The following MYO5B variants were observed in gnomAD, a reference collection of about 807,000 sequenced individuals.
MYO5B encodes myosin VB.
A neutral mutation model predicts 229.3 loss-of-function variants in MYO5B; 143 were observed. That is an observed-to-expected ratio of 0.62 (90% CI 0.54 to 0.72). The LOEUF is 0.72. Among genes scored for constraint, MYO5B ranks in the 30% least tolerant of loss-of-function variants. The pLI is 0.00. For synonymous variants in MYO5B, 918 were observed against 885.2 expected, an observed-to-expected ratio of 1.04 and a Z score of -0.66; for missense variants, 2,321 against 2,331.0, an observed-to-expected ratio of 1.00 and a Z score of 0.09.
chr18:49,928,882 T>C (rs2025158337), intron 17 of MYO5B, among the ~76,000 whole-genome samples: 1 of 152,096 alleles, frequency 6.6e-6, no homozygotes, highest in South Asian at 2.1e-4. Context: ...AAACAAAAGA[T>C]GGTACATTCT....
rs561549249 is a variant in MYO5B at position 50,033,386 on chromosome 18, G to A, written c.455+3464C>T. On this transcript the variant is annotated intron_variant, in intron 4 of 39. Transcript: ENST00000285039. Reference sequence around the variant, plus strand: ...GATCTGTGACATTAGGTCTCCAAGCGCAATTTAAATGACACCGTGGCACAG... The same window carrying A: ...GATCTGTGACATTAGGTCTCCAAGCACAATTTAAATGACACCGTGGCACAG... Among the ~76,000 whole-genome samples the A allele has an allele frequency of 4.6e-5, 7 of 152,184 alleles. No individual in the cohort carries two copies. The East Asian group carries it at 9.7e-4, about 21-fold the overall frequency.
intron 13 of MYO5B, among the ~76,000 whole-genome samples, chr18:49,953,548 T>C (rs1262438427): frequency 6.6e-6 from 1 of 152,212 alleles, no homozygotes; most frequent in Non-Finnish European, 1.5e-5. Flanking sequence ...GAAGAAATTG[T>C]TTTAAAGGGA....
chr18:50,154,223 T>A (rs958602782), intron 1 of MYO5B, among the ~76,000 whole-genome samples: 1 of 152,144 alleles, frequency 6.6e-6, no homozygotes, highest in Non-Finnish European at 1.5e-5. Flanking sequence ...GGAGGGACTT[T>A]CACTCATTAT....
At chr18:49,925,113 GAATTACT>G (rs1198621940) in intron 17 of MYO5B, among the ~76,000 whole-genome samples, 1 of 152,110 alleles carries the variant, frequency 6.6e-6, no homozygotes, top group Non-Finnish European at 1.5e-5. Flanking sequence ...CCTCCCTTTG[GAATTACT>G]AATAGAACAG....
In MYO5B at chr18:49,953,376, C is replaced by T. The variant is rs374948976; in HGVS notation, c.1669-33G>A. 130 of 1,587,326 alleles carry T rather than the reference C, an allele frequency of 8.2e-5. 1 individual carries two copies. The highest frequency in any genetic ancestry group is 5.6e-4 in the East Asian group (25 of 44,780). ...CACAGCAACCAGAGAGAGACACAGT[C>T]GTTAGTGCTTCAGCAGTTTCTCAAC... On this transcript the variant is annotated intron_variant, in intron 13 of 39. Transcript: ENST00000285039.
chr18:50,011,462 A>G lies in MYO5B; in HGVS notation c.456-10051T>C, dbSNP rs74976062. 4.5e-4 allele frequency among the ~76,000 whole-genome samples: 69 copies of G among 152,248 alleles called. 1 individual carries two copies. The East Asian group carries it at 8.7e-3, about 19-fold the overall frequency. On this transcript the variant is annotated intron_variant, in intron 4 of 39. Coordinates refer to ENST00000285039, the MANE Select transcript of MYO5B (RefSeq NM_001080467.3). Reference sequence around the variant, plus strand: ...TCTGAGAGCCAAACACATATGCTCAACTGCCCACTGGACAACTACACGCGG... The same window carrying G: ...TCTGAGAGCCAAACACATATGCTCAGCTGCCCACTGGACAACTACACGCGG...
chr18:50,052,031 C>T (rs547897549), intron 2 of MYO5B, among the ~76,000 whole-genome samples: 3 of 152,038 alleles, frequency 2.0e-5, no homozygotes, highest in South Asian at 2.1e-4. Flanking sequence ...GTTAGAATGG[C>T]GATCATTAAA....
intron 16 of MYO5B, among the ~76,000 whole-genome samples, chr18:49,934,169 C>T (rs1746005488): frequency 6.6e-6 from 1 of 152,236 alleles, no homozygotes; most frequent in African/African-American, 2.4e-5. Context: ...AGCCACCACA[C>T]CAGGCCCTCA....
intron 4 of MYO5B, among the ~76,000 whole-genome samples, chr18:50,023,618 T>G (rs193221146): frequency 6.6e-6 from 1 of 152,174 alleles, no homozygotes; most frequent in African/African-American, 2.4e-5. Context: ...TCAATCAGAA[T>G]AGTAAACTAT....
intron 10 of MYO5B, among the ~76,000 whole-genome samples, chr18:49,967,883 A>G (rs1027487558): frequency 3.3e-5 from 5 of 152,044 alleles, no homozygotes; most frequent in African/African-American, 1.2e-4. Context: ...ACAGAACACA[A>G]TCCCAGGCAC....
Position 49,956,010 on chromosome 18 carries a change from T to G in MYO5B, c.1546-1575A>C, listed in dbSNP as rs184752256. 7.2e-5 allele frequency among the ~76,000 whole-genome samples: 11 copies of G among 152,358 alleles called. No homozygotes were observed. The East Asian group carries it at 1.9e-3, about 27-fold the overall frequency. On this transcript the variant is annotated intron_variant, in intron 12 of 39. Coordinates refer to ENST00000285039, the MANE Select transcript of MYO5B (RefSeq NM_001080467.3). ...TCTTGCCTTGGAGATGAAATTGGAC[T>G]TCTGTGAGAAGACTTCGTAATCCTG...
At chr18:49,851,522 C>T (rs759466239) in intron 31 of MYO5B, among the ~76,000 whole-genome samples, 1 of 152,120 alleles carries the variant, frequency 6.6e-6, no homozygotes, top group Non-Finnish European at 1.5e-5. Flanking sequence ...TGTGGAGACA[C>T]GAAGGCCCAA....
intron 9 of MYO5B, among the ~76,000 whole-genome samples, chr18:49,977,487 G>C (rs147560769): frequency 1.3e-5 from 2 of 152,046 alleles, no homozygotes; most frequent in African/African-American, 4.8e-5. Flanking sequence ...ACAATCAGTG[G>C]GGCTCTCGGT....
At chr18:50,043,956 G>A (rs2030145838) in intron 2 of MYO5B, among the ~76,000 whole-genome samples, 1 of 151,914 alleles carries the variant, frequency 6.6e-6, no homozygotes, top group Non-Finnish European at 1.5e-5. Context: ...GGAGATGGGT[G>A]CACCAAAATC....
At chr18:50,024,219 A>G (rs2026307498) in intron 4 of MYO5B, among the ~76,000 whole-genome samples, 1 of 152,234 alleles carries the variant, frequency 6.6e-6, no homozygotes, top group East Asian at 1.9e-4. Context: ...CAGTATCATA[A>G]CTGAAGATCA....
chr18:50,068,612 C>T (rs997365497), intron 1 of MYO5B, among the ~76,000 whole-genome samples: 8 of 152,150 alleles, frequency 5.3e-5, no homozygotes, highest in African/African-American at 1.7e-4. Context: ...ACACAGACCA[C>T]GTCACATTTA....
At chr18:50,151,098 T>TC (rs1478240847) in intron 1 of MYO5B, among the ~76,000 whole-genome samples, 1 of 152,222 alleles carries the variant, frequency 6.6e-6, no homozygotes, top group Non-Finnish European at 1.5e-5. Flanking sequence ...AAGCTTCTGG[T>TC]CCTTCCCTAA....
chr18:50,135,290 A>G (rs1182563048), intron 1 of MYO5B, among the ~76,000 whole-genome samples: 1 of 152,224 alleles, frequency 6.6e-6, no homozygotes, highest in Non-Finnish European at 1.5e-5. Flanking sequence ...AGGTTTTTCA[A>G]GACAGTCTAG....
rs181778434 is a variant in MYO5B, at chr18:49,957,307, C to T, written c.1546-2872G>A. 3.8e-3 allele frequency among the ~76,000 whole-genome samples: 575 copies of T among 152,252 alleles called. 1 individual carries two copies. Among genetic ancestry groups the T allele is most frequent in the Middle Eastern group, 6.8e-3 (2 of 294 alleles). Reference sequence around the variant, plus strand: ...CCTGGGACATCTTCTGAGGCCAAAGCCTGCCCCCAGCAAAGCTGCTGACAG... The same window carrying T: ...CCTGGGACATCTTCTGAGGCCAAAGTCTGCCCCCAGCAAAGCTGCTGACAG... On this transcript the variant is annotated intron_variant, in intron 12 of 39. Transcript: ENST00000285039.
Sources: allele counts gnomAD v4.1 joint callset (sites outside exome capture counted in the v4.1 genomes callset), GRCh38; gene constraint gnomAD v4.1.1; transcripts MANE v1.5; gene names NCBI Gene and HGNC (gene_info 2026-07-23, HGNC 2026-07-21).